The following FABP7 variants were observed in gnomAD, a reference collection of about 807,000 sequenced individuals.
FABP7 encodes the protein fatty acid-binding protein, brain.
Under a neutral mutation model 14.2 loss-of-function variants are expected in FABP7, and 13 were observed. That is an observed-to-expected ratio of 0.91 (90% CI 0.59 to 1.45). The LOEUF (loss-of-function observed/expected upper bound fraction) is 1.45. Ranked by LOEUF, FABP7 falls within the 40% of genes most tolerant of loss-of-function variation. FABP7 has a pLI of 0.00. For missense variants in FABP7, 149 were observed against 157.6 expected, an observed-to-expected ratio of 0.95 and a Z score of 0.29; for synonymous variants, 49 against 51.4, an observed-to-expected ratio of 0.95 and a Z score of 0.20.
At chr6:122,758,230 C>T in the FABP7 span, among the ~76,000 whole-genome samples, 1 of 151,814 alleles carries the variant, frequency 6.6e-6, no homozygotes, top group African/African-American at 2.4e-5. Context: ...GTCTCAGCCT[C>T]CCAAGTAGCT....
At chr6:122,763,421 A>T in the FABP7 span, among the ~76,000 whole-genome samples, 48 of 152,192 alleles carry the variant, frequency 3.2e-4, no homozygotes, top group African/African-American at 8.7e-4. Flanking sequence ...TGTTAGACCT[A>T]AAACCATAAA....
intron 3 of FABP7, 131 bp from the exon 4 acceptor site, chr6:122,783,586 C>T: frequency 1.4e-6 from 2 of 1,410,738 alleles, no homozygotes; most frequent in South Asian, 3.5e-5. Context: ...ATGTGAAATG[C>T]TTATGCAGCA....
At chr6:122,775,737 C>A (rs7382525), upstream of FABP7, among the ~76,000 whole-genome samples, 1 of 151,416 alleles carries the variant, frequency 6.6e-6, no homozygotes. Flanking sequence ...CTAAACAAAG[C>A]GGAGAGAAAA....
chr6:122,777,619 G>A (rs998794304), upstream of FABP7, among the ~76,000 whole-genome samples: 8 of 152,088 alleles, frequency 5.3e-5, no homozygotes, highest in Admixed American at 4.6e-4. Flanking sequence ...TTGCCACAGA[G>A]CATCCTTTTG....
At chr6:122,780,144 G>A (rs1048148732) in intron 1 of FABP7, 147 bp from the exon 2 acceptor site, 6 of 884,778 alleles carry the variant, frequency 6.8e-6, no homozygotes, top group Non-Finnish European at 1.1e-5. Flanking sequence ...TATTATCACA[G>A]TAGTGTTTTA....
the FABP7 span, among the ~76,000 whole-genome samples, chr6:122,754,752 C>T: frequency 6.7e-6 from 1 of 148,638 alleles, no homozygotes; most frequent in African/African-American, 2.5e-5. Flanking sequence ...AGCCTAAGAA[C>T]TTCCCCTCAT....
the FABP7 span, among the ~76,000 whole-genome samples, chr6:122,756,207 G>C: frequency 6.6e-6 from 1 of 151,966 alleles, no homozygotes; most frequent in Non-Finnish European, 1.5e-5. Context: ...CTTTGCCCTG[G>C]GGTAAGAACC....
intron 3 of FABP7, 125 bp downstream of exon 3, chr6:122,781,319 C>T (rs1169343608): frequency 1.6e-5 from 25 of 1,548,662 alleles, no homozygotes; most frequent in Admixed American, 3.9e-5. Flanking sequence ...AATAATACAT[C>T]ACTGGCAAGG....
upstream of FABP7, among the ~76,000 whole-genome samples, chr6:122,778,483 A>C (rs184748947): frequency 1.8e-4 from 28 of 152,258 alleles, no homozygotes; most frequent in African/African-American, 5.3e-4. Flanking sequence ...GATTGGGTAG[A>C]AATGTGCTGG....
the FABP7 span, among the ~76,000 whole-genome samples, chr6:122,768,240 A>G: frequency 1.5e-4 from 23 of 152,278 alleles, 1 homozygote; most frequent in South Asian, 4.3e-3. Context: ...ATGTTGATCC[A>G]CTGGTGAGAG....
At chr6:122,781,697 C>G (rs1175876302) in intron 3 of FABP7, 11 of 829,148 alleles carry the variant, frequency 1.3e-5, no homozygotes, top group Non-Finnish European at 1.6e-5. Context: ...AAAAGTATAA[C>G]AAAAAAATTA....
At chr6:122,775,317 A>G (rs1015771221), upstream of FABP7, among the ~76,000 whole-genome samples, 3 of 150,636 alleles carry the variant, frequency 2.0e-5, no homozygotes, top group African/African-American at 4.9e-5. Flanking sequence ...AAACAGACAC[A>G]TAGACCAATA....
chr6:122,764,655 A>T, the FABP7 span, among the ~76,000 whole-genome samples: 2 of 152,296 alleles, frequency 1.3e-5, no homozygotes, highest in African/African-American at 4.8e-5. Context: ...TTGATGTTGT[A>T]AGTCAAAACG....
At chr6:122,755,461 T>TTG in the FABP7 span, among the ~76,000 whole-genome samples, 1 of 133,930 alleles carries the variant, frequency 7.5e-6, no homozygotes, top group Non-Finnish European at 1.5e-5. Context: ...TGTTTTGTAT[T>TTG]TTTTTTTTTT....
chr6:122,764,857 A>G, the FABP7 span, among the ~76,000 whole-genome samples: 4 of 152,144 alleles, frequency 2.6e-5, no homozygotes, highest in Non-Finnish European at 5.9e-5. Context: ...TGACAGCAAA[A>G]CTTGATCTTG....
chr6:122,783,580 G>T, intron 3 of FABP7, 137 bp from the exon 4 acceptor site: 1 of 1,396,248 alleles, frequency 7.2e-7, no homozygotes, highest in Non-Finnish European at 9.3e-7. Flanking sequence ...TTCAAGATGT[G>T]AAATGCTTAT....
At chr6:122,760,271 T>A in the FABP7 span, among the ~76,000 whole-genome samples, 1 of 152,312 alleles carries the variant, frequency 6.6e-6, no homozygotes, top group East Asian at 1.9e-4. Context: ...AATAATTGAA[T>A]AATTGATACT....
At chr6:122,763,669 C>G in the FABP7 span, among the ~76,000 whole-genome samples, 1 of 152,102 alleles carries the variant, frequency 6.6e-6, no homozygotes, top group South Asian at 2.1e-4. Flanking sequence ...CCAGAATCTA[C>G]AAGGAATGTA....
At chr6:122,755,375 A>G in the FABP7 span, among the ~76,000 whole-genome samples, 1 of 151,514 alleles carries the variant, frequency 6.6e-6, no homozygotes, top group Admixed American at 6.6e-5. Flanking sequence ...ATTATAAAAT[A>G]TATTATAAAG....
Sources: gnomAD v4.1 joint callset for allele counts (sites outside exome capture counted in the v4.1 genomes callset) on GRCh38, gnomAD v4.1.1 for gene constraint, MANE v1.5 for transcripts, NCBI Gene and HGNC (gene_info 2026-07-23, HGNC 2026-07-21) for gene names.